The following CDKAL1 variants were observed in gnomAD, a reference collection of about 807,000 sequenced individuals.
The protein encoded by CDKAL1 is CDKAL1 threonylcarbamoyladenosine tRNA methylthiotransferase.
In CDKAL1, 32 loss-of-function variants were observed where a neutral mutation model predicts 68.2. The ratio of observed to expected loss-of-function variants is 0.47; its 90% CI spans 0.35 to 0.63. The LOEUF is 0.63. Among genes scored for constraint, CDKAL1 ranks in the 30% least tolerant of loss-of-function variants. The pLI is 0.00. For missense variants in CDKAL1, 606 were observed against 696.7 expected (o/e 0.87, Z 1.47); for synonymous variants, 234 against 244.3 (o/e 0.96, Z 0.39).
chr6:20,769,702 G>A (rs972978851), intron 7 of CDKAL1, among the ~76,000 whole-genome samples: 9 of 152,200 alleles, frequency 5.9e-5, no homozygotes, highest in South Asian at 2.1e-4. Flanking sequence ...CGTCATTAGC[G>A]CTGTATGTTT....
At chr6:20,756,917 T>TTTCCTTCCC (rs1774231259) in intron 6 of CDKAL1, 4 of 81,772 alleles carry the variant, frequency 4.9e-5, no homozygotes, top group Non-Finnish European at 1.0e-4. Context: ...CCTTCCTTCC[T>TTTCCTTCCC]TCCTTCCCTC....
At chr6:21,054,500 A>T (rs933729866) in intron 11 of CDKAL1, among the ~76,000 whole-genome samples, 1 of 152,212 alleles carries the variant, frequency 6.6e-6, no homozygotes, top group East Asian at 1.9e-4. Context: ...ACTTGCTGTT[A>T]TTTTGATAGG....
intron 9 of CDKAL1, among the ~76,000 whole-genome samples, chr6:20,943,822 C>T (rs1764106857): frequency 6.6e-6 from 1 of 151,702 alleles, no homozygotes; most frequent in Non-Finnish European, 1.5e-5. Flanking sequence ...CTGAGCCAGA[C>T]TCAGTGGTGC....
intron 10 of CDKAL1, among the ~76,000 whole-genome samples, chr6:20,973,078 CA>C (rs34479545): frequency 0.88 from 119,568 of 136,252 alleles, 52,039 homozygotes; most frequent in East Asian, 0.99. Context: ...AACTCCGTCT[CA>C]AAAAAAAAAA....
intron 5 of CDKAL1, among the ~76,000 whole-genome samples, chr6:20,715,347 A>G (rs531274216): frequency 1.5e-4 from 23 of 152,320 alleles, no homozygotes; most frequent in African/African-American, 5.1e-4. Flanking sequence ...CTTATTTTAC[A>G]TAGCCTAATA....
At chr6:21,073,546 A>G (rs1440957277) in intron 12 of CDKAL1, among the ~76,000 whole-genome samples, 2 of 152,222 alleles carry the variant, frequency 1.3e-5, no homozygotes, top group East Asian at 1.9e-4. Flanking sequence ...CCATTGTAAC[A>G]GGTGTGTAAT....
In CDKAL1 at chr6:21,205,464, T is replaced by C. The variant is rs142121432; in HGVS notation, c.1548+4190T>C. Reference sequence around the variant, plus strand: ...CTCTCCACATTCACACCAACACTTATTTTCTCTTTTGTTTTGTTTTGTTTT... The same window carrying C: ...CTCTCCACATTCACACCAACACTTACTTTCTCTTTTGTTTTGTTTTGTTTT... On this transcript the variant is annotated intron_variant, in intron 15 of 15. Coordinates refer to ENST00000274695, the MANE Select transcript of CDKAL1 (RefSeq NM_017774.3). 2.8e-3 allele frequency among the ~76,000 whole-genome samples: 423 copies of C among 151,842 alleles called. 2 individuals carry two copies. Among genetic ancestry groups the C allele is most frequent in the African/African-American group, 9.7e-3 (402 of 41,402 alleles).
At chr6:20,667,186 G>A (rs1270994138) in intron 5 of CDKAL1, among the ~76,000 whole-genome samples, 1 of 152,160 alleles carries the variant, frequency 6.6e-6, no homozygotes, top group African/African-American at 2.4e-5. Flanking sequence ...CCATTTTTAT[G>A]TGATACATTA....
At chr6:20,873,061 C>T (rs1000021546) in intron 9 of CDKAL1, among the ~76,000 whole-genome samples, 1 of 152,080 alleles carries the variant, frequency 6.6e-6, no homozygotes, top group Non-Finnish European at 1.5e-5. Flanking sequence ...AATACAGCTG[C>T]CCGTTCCAAA....
At chr6:20,736,553 G>A (rs1001787823) in intron 5 of CDKAL1, among the ~76,000 whole-genome samples, 3 of 152,126 alleles carry the variant, frequency 2.0e-5, no homozygotes, top group Non-Finnish European at 2.9e-5. Flanking sequence ...GGCAGATCAC[G>A]AGGTCAGGAG....
At chr6:20,819,659 C>T (rs554585635) in intron 8 of CDKAL1, among the ~76,000 whole-genome samples, 3 of 152,150 alleles carry the variant, frequency 2.0e-5, no homozygotes, top group Admixed American at 1.3e-4. Flanking sequence ...CTATATCGAA[C>T]GCTTTGGTCA....
intron 8 of CDKAL1, among the ~76,000 whole-genome samples, chr6:20,786,699 G>A (rs930067918): frequency 1.2e-4 from 18 of 151,824 alleles, no homozygotes; most frequent in African/African-American, 3.6e-4. Context: ...AGGTTTCACC[G>A]TATTAACCAG....
intron 13 of CDKAL1, among the ~76,000 whole-genome samples, chr6:21,137,545 A>G (rs1481238116): frequency 1.3e-5 from 2 of 152,230 alleles, no homozygotes; most frequent in Admixed American, 6.5e-5. Context: ...TTATCTTTTC[A>G]GAGAATCTTT....
chr6:20,586,176 A>G (rs750835928), intron 4 of CDKAL1, among the ~76,000 whole-genome samples: 1 of 152,194 alleles, frequency 6.6e-6, no homozygotes, highest in Non-Finnish European at 1.5e-5. Flanking sequence ...GGTCTAAGCC[A>G]GCATCATCTT....
At chr6:20,845,034 G>A (rs565614738) in intron 8 of CDKAL1, among the ~76,000 whole-genome samples, 1 of 152,302 alleles carries the variant, frequency 6.6e-6, no homozygotes, top group African/African-American at 2.4e-5. Flanking sequence ...GATCCCATGC[G>A]AAAATTCTCA....
chr6:21,229,962 G>C (rs1482483950), intron 15 of CDKAL1, among the ~76,000 whole-genome samples: 1 of 150,414 alleles, frequency 6.6e-6, no homozygotes, highest in African/African-American at 2.4e-5. Context: ...GCCCAAGCAG[G>C]GTTTCCCAAC....
intron 11 of CDKAL1, among the ~76,000 whole-genome samples, chr6:21,053,068 A>G (rs1770630041): frequency 6.6e-6 from 1 of 152,200 alleles, no homozygotes; most frequent in African/African-American, 2.4e-5. Flanking sequence ...TGCAACTATC[A>G]TCACAATTCA....
intron 9 of CDKAL1, 98 bp downstream of exon 9, chr6:20,846,276 T>G: frequency 1.5e-6 from 1 of 659,512 alleles, no homozygotes. Flanking sequence ...TTCTTTAGTT[T>G]TCTGAAGAGT....
At chr6:20,564,413 T>G (rs560722553) in intron 4 of CDKAL1, among the ~76,000 whole-genome samples, 122 of 152,362 alleles carry the variant, frequency 8.0e-4, no homozygotes, top group African/African-American at 2.8e-3. Context: ...ATATTTTAAT[T>G]TGCATTTTTT....
Sources: gnomAD v4.1 joint callset for allele counts (sites outside exome capture counted in the v4.1 genomes callset) on GRCh38, gnomAD v4.1.1 for gene constraint, MANE v1.5 for transcripts, NCBI Gene and HGNC (gene_info 2026-07-23, HGNC 2026-07-21) for gene names.